ZSCAN5A: variants seen among roughly 807,000 people sequenced by gnomAD.
The protein encoded by ZSCAN5A is zinc finger and SCAN domain containing 5A.
Under a neutral mutation model 23.7 loss-of-function variants are expected in ZSCAN5A, and 12 were observed. The observed-to-expected ratio is 0.51, with a 90% CI of 0.32 to 0.82. The LOEUF (loss-of-function observed/expected upper bound fraction) is 0.82. ZSCAN5A is among the 40% of genes least tolerant of loss of function. ZSCAN5A has a pLI of 0.03. For missense variants in ZSCAN5A, 597 were observed against 617.9 expected, an observed-to-expected ratio of 0.97 and a Z score of 0.36; for synonymous variants, 257 against 239.9, an observed-to-expected ratio of 1.07 and a Z score of -0.66.
intron 2 of ZSCAN5A, among the ~76,000 whole-genome samples, chr19:56,345,129 T>C (rs2041623601): frequency 6.6e-6 from 1 of 151,510 alleles, no homozygotes; most frequent in African/African-American, 2.4e-5. Flanking sequence ...CAAACAAAAA[T>C]GTATGCTGGC....
intron 2 of ZSCAN5A, among the ~76,000 whole-genome samples, chr19:56,333,208 A>G (rs1211045143): frequency 2.0e-5 from 3 of 152,052 alleles, no homozygotes; most frequent in Non-Finnish European, 4.4e-5. Flanking sequence ...CTACCTCTCC[A>G]GCAAGATTAG....
At chr19:56,244,307 A>C in intron 2 of ZSCAN5A, 4 of 1,609,736 alleles carry the variant, frequency 2.5e-6, no homozygotes, top group African/African-American at 1.3e-5. Flanking sequence ...CATGCTGGTG[A>C]TGGAGCAGTT....
In ZSCAN5A at chr19:56,224,802, T is replaced by C. The variant is rs1395888384; in HGVS notation, c.245A>G (p.Gln82Arg). The change falls in exon 3 of 6, where the codon CAG becomes CGG. Residue 82 changes from glutamine to arginine, a missense_variant. Transcript: ENST00000683990. ...WLRPDLHTKE[Q>R]ILDMLVMEQF... ...CTCCATCACCAGCATGTCCAGGATC[T>C]GCTCTTTGGTGTGGAGGTCGGGCCT... 1 of 1,610,986 alleles carries C rather than the reference T, an allele frequency of 6.2e-7. No individual in the cohort carries two copies. The highest frequency in any genetic ancestry group is 8.5e-7 in the Non-Finnish European group (1 of 1,178,228).
intron 2 of ZSCAN5A, among the ~76,000 whole-genome samples, chr19:56,232,374 C>T (rs1764800480): frequency 6.6e-6 from 1 of 152,118 alleles, no homozygotes; most frequent in African/African-American, 2.4e-5. Flanking sequence ...TTTTGAGATT[C>T]ATCCATGTTC....
intron 3 of ZSCAN5A, 81 bp downstream of exon 3, chr19:56,224,582 G>A (rs931121771): frequency 1.9e-5 from 28 of 1,510,292 alleles, no homozygotes; most frequent in African/African-American, 9.8e-5. Context: ...GCAGCCCCTC[G>A]GGTCCTCTCG....
chr19:56,329,727 C>T (rs183821557), intron 2 of ZSCAN5A, among the ~76,000 whole-genome samples: 229 of 152,218 alleles, frequency 1.5e-3, no homozygotes, highest in African/African-American at 5.2e-3. Context: ...TACTTTCTCA[C>T]ATCTTGGTAG....
chr19:56,343,658 C>T (rs1420577311), intron 2 of ZSCAN5A, among the ~76,000 whole-genome samples: 1 of 152,224 alleles, frequency 6.6e-6, no homozygotes, highest in Non-Finnish European at 1.5e-5. Context: ...AACTCTTCTG[C>T]CTCGGGGTTT....
chr19:56,305,257 T>G (rs112375679), intron 2 of ZSCAN5A, among the ~76,000 whole-genome samples: 1 of 131,512 alleles, frequency 7.6e-6, no homozygotes, highest in East Asian at 3.3e-4. Flanking sequence ...CTCTTCCCCC[T>G]GTTCCTGGCA....
chr19:56,343,885 C>G (rs1465431909), intron 2 of ZSCAN5A, among the ~76,000 whole-genome samples: 1 of 152,078 alleles, frequency 6.6e-6, no homozygotes, highest in Non-Finnish European at 1.5e-5. Flanking sequence ...TGTTTTCCTA[C>G]AATATATTTT....
chr19:56,222,656 A>G lies in ZSCAN5A; in HGVS notation c.674T>C (p.Leu225Pro). The G allele has an allele frequency of 1.2e-6, 2 of 1,614,144 alleles. No individual in the cohort carries two copies. Among genetic ancestry groups the G allele is most frequent in the Non-Finnish European group, 1.7e-6 (2 of 1,180,022 alleles). Residue 225 changes from leucine (L) to proline (P), a missense_variant, in exon 5 of 6, where the codon CTG becomes CCG. Around this residue, in one of 5 missense-constraint regions of ZSCAN5A, gnomAD observed 406 missense variants for 353.2 expected, o/e 1.15. Coordinates refer to ENST00000683990, the MANE Select transcript of ZSCAN5A (RefSeq NM_001322064.3). Reference protein sequence around the residue: ...LRPKQTLEKDLKENREENPGL... With the variant: ...LRPKQTLEKDPKENREENPGL... ...TGGGTTCTCTTCCCTGTTTTCCTTCAGATCCTTCTCCAAGGTCTGCTTGGG... is the reference window on the plus strand; with the variant it reads ...TGGGTTCTCTTCCCTGTTTTCCTTCGGATCCTTCTCCAAGGTCTGCTTGGG...
chr19:56,279,328 G>C lies in ZSCAN5A; in HGVS notation c.-128+33955C>G, dbSNP rs1393856292. On this transcript the variant is annotated intron_variant, in intron 2 of 5. Transcript: ENST00000683990. ...ACTGCAAGACTGTAAGTTCCTAGAG[G>C]GCAGGGACTGTACTTTACTCAATCT... 4.6e-5 allele frequency among the ~76,000 whole-genome samples: 7 copies of C among 152,202 alleles called. No individual in the cohort carries two copies. In the East Asian group the frequency reaches 1.4e-3, roughly 29 times the overall value.
chr19:56,277,007 T>C (rs1319222213), intron 2 of ZSCAN5A, among the ~76,000 whole-genome samples: 2 of 152,148 alleles, frequency 1.3e-5, no homozygotes, highest in Non-Finnish European at 2.9e-5. Flanking sequence ...TCATTAGCCA[T>C]CAGAAAAATG....
At chr19:56,322,561 T>C (rs2041387729) in intron 2 of ZSCAN5A, among the ~76,000 whole-genome samples, 1 of 152,230 alleles carries the variant, frequency 6.6e-6, no homozygotes, top group South Asian at 2.1e-4. Flanking sequence ...CTTACCTCTC[T>C]GTTCATCTCT....
At chr19:56,248,425 A>C (rs1280526434) in intron 2 of ZSCAN5A, among the ~76,000 whole-genome samples, 1 of 151,774 alleles carries the variant, frequency 6.6e-6, no homozygotes, top group Non-Finnish European at 1.5e-5. Context: ...ATGTCAGCTA[A>C]TTTTTGTATT....
chr19:56,347,398 C>A (rs1171244429), intron 2 of ZSCAN5A: 1 of 152,130 alleles, frequency 6.6e-6, no homozygotes, highest in African/African-American at 2.4e-5. Flanking sequence ...TTCCTAGGAA[C>A]TGCAGATATA....
intron 2 of ZSCAN5A, among the ~76,000 whole-genome samples, chr19:56,269,520 T>G (rs377474338): frequency 6.6e-6 from 1 of 152,066 alleles, no homozygotes; most frequent in Non-Finnish European, 1.5e-5. Context: ...CAGCTGACCT[T>G]GTGGGGAGAT....
chr19:56,225,255 C>T (rs1028612115), intron 2 of ZSCAN5A, 82 bp from the exon 3 acceptor site: 13 of 1,297,148 alleles, frequency 1.0e-5, no homozygotes, highest in Non-Finnish European at 1.3e-5. Context: ...ATCCTGGATG[C>T]CACTTCTTCA....
chr19:56,304,074 T>A (rs1004041404), intron 2 of ZSCAN5A, among the ~76,000 whole-genome samples: 1 of 152,074 alleles, frequency 6.6e-6, no homozygotes, highest in African/African-American at 2.4e-5. Flanking sequence ...CCTTCTGAGT[T>A]ATCAAAGGAT....
chr19:56,226,993 G>A (rs2034012277), intron 2 of ZSCAN5A, among the ~76,000 whole-genome samples: 1 of 152,182 alleles, frequency 6.6e-6, no homozygotes, highest in African/African-American at 2.4e-5. Flanking sequence ...GGAACTCATA[G>A]TAGTAGTGAG....
Sources: gnomAD v4.1 joint callset for allele counts (sites outside exome capture counted in the v4.1 genomes callset) on GRCh38, gnomAD v4.1.1 for gene constraint, gnomAD v4.1.1 regional missense constraint, MANE v1.5 for transcripts, NCBI Gene and HGNC (gene_info 2026-07-23, HGNC 2026-07-21) for gene names.